The following IQCH variants were observed in gnomAD, a reference collection of about 807,000 sequenced individuals.
IQCH encodes the protein IQ domain-containing protein H.
Under a neutral mutation model 117.0 loss-of-function variants are expected in IQCH, and 98 were observed. That is an observed-to-expected ratio of 0.84 (90% confidence interval 0.71 to 0.99). IQCH has a LOEUF of 0.99. Ranked by LOEUF, IQCH falls within the 50% of genes least tolerant of loss-of-function variation. The pLI, the probability that IQCH is intolerant of heterozygous loss-of-function variation, is 0.00. For synonymous variants in IQCH, 412 were observed against 448.2 expected (o/e 0.92, Z 1.02); for missense variants, 1,102 against 1,243.8 (o/e 0.89, Z 1.72).
At chr15:67,305,386 A>C (rs888261103) in intron 4 of IQCH, among the ~76,000 whole-genome samples, 35 of 152,040 alleles carry the variant, frequency 2.3e-4, no homozygotes, top group African/African-American at 8.2e-4. Flanking sequence ...TATGTGCTTT[A>C]TGTTATTCTA....
intron 10 of IQCH, among the ~76,000 whole-genome samples, chr15:67,375,943 T>C (rs7497357): frequency 1 from 151,331 of 152,054 alleles, 75,314 homozygotes; most frequent in Middle Eastern, 1. Flanking sequence ...TGTACCACCA[T>C]GCCTGGCTAA....
rs540755379 is a variant in IQCH at position 67,289,008 on chromosome 15, C to T, written c.387+9496C>T. Among the ~76,000 whole-genome samples, 136 of 152,186 alleles carry T rather than the reference C, an allele frequency of 8.9e-4. 3 individuals carry two copies. The South Asian group carries it at 0.028, about 31-fold the overall frequency. The stretch of plus-strand genomic sequence containing the variant: ...TCACAGTGGAGGAAATATGCAAATA[C>T]ATGGCCATAAACAAGAGCATGGCTT... On this transcript the variant is annotated intron_variant, in intron 4 of 20. Transcript: ENST00000335894.
At position 67,369,214 on chromosome 15, in the gene IQCH, C is replaced by A. The variant is rs753410919; in HGVS notation, c.754-2897C>A. ...GAAACTCTCAAAGTTATCTAATTAG[C>A]GATTACACTTTGCAAACAAAGAACA... On this transcript the variant is annotated intron_variant, in intron 8 of 20. Coordinates refer to ENST00000335894, the MANE Select transcript of IQCH (RefSeq NM_001031715.3). This position sits in a 1 kb window ranked among gnomAD's most constrained non-coding sequence, Gnocchi z 5.2. 2.0e-5 allele frequency among the ~76,000 whole-genome samples: 3 copies of A among 152,116 alleles called. No homozygotes were observed. The highest frequency in any genetic ancestry group is 2.9e-5 in the Non-Finnish European group (2 of 68,030).
At chr15:67,298,926 A>C (rs981963633) in intron 4 of IQCH, among the ~76,000 whole-genome samples, 1 of 152,156 alleles carries the variant, frequency 6.6e-6, no homozygotes, top group African/African-American at 2.4e-5. Flanking sequence ...CCATTTCCGA[A>C]AGAAAGGAAA....
intron 1 of IQCH, among the ~76,000 whole-genome samples, chr15:67,260,722 T>C (rs1419801960): frequency 1.3e-5 from 2 of 152,140 alleles, no homozygotes; most frequent in Non-Finnish European, 2.9e-5. Flanking sequence ...CTATTTCTCA[T>C]GGGAGAAGGA....
chr15:67,332,732 A>G (rs930130777), intron 4 of IQCH, among the ~76,000 whole-genome samples: 2 of 152,174 alleles, frequency 1.3e-5, no homozygotes, highest in African/African-American at 2.4e-5. Context: ...AGAGAGTTCT[A>G]ATTTTCTCAC....
chr15:67,286,355 T>A (rs555238216), intron 4 of IQCH, among the ~76,000 whole-genome samples: 7 of 152,300 alleles, frequency 4.6e-5, no homozygotes, highest in Non-Finnish European at 7.4e-5. Context: ...TTTTTCCAAA[T>A]ATAAGATCAT....
chr15:67,480,741 T>C (rs1283463597), intron 18 of IQCH, among the ~76,000 whole-genome samples: 1 of 152,100 alleles, frequency 6.6e-6, no homozygotes, highest in Non-Finnish European at 1.5e-5. Flanking sequence ...AGTGAAATTA[T>C]GAAGTGGTGA....
intron 16 of IQCH, among the ~76,000 whole-genome samples, chr15:67,464,353 A>G (rs2082878736): frequency 6.6e-6 from 1 of 152,246 alleles, no homozygotes; most frequent in African/African-American, 2.4e-5. Context: ...AGCACATAGT[A>G]GATGCTCAGT....
rs754209160 is a variant in IQCH at position 67,337,054 on chromosome 15, A to C, written c.467A>C (p.Tyr156Ser). The change falls in exon 5 of 21, where the codon TAT becomes TCT. Residue 156 changes from tyrosine (Y) to serine (S), a missense_variant. Physicochemically the swap from Tyr to Ser is moderately radical, Grantham distance 144. This residue lies in a region of IQCH where 452 missense variants were observed against 449.6 expected (regional missense o/e 1.01). Transcript: ENST00000335894. ...VLPSSHCTDPYFTPIPVLQAD... is the reference protein window; with the variant it reads ...VLPSSHCTDPSFTPIPVLQAD... ...CCATCTTCTCATTGCACAGATCCCT[A>C]TTTCACTCCTATACCAGTCTTACAA... The C allele has an allele frequency of 3.1e-6, 5 of 1,613,652 alleles. No individual in the cohort carries two copies. The Admixed American group carries it at 8.3e-5, about 27-fold the overall frequency.
intron 4 of IQCH, among the ~76,000 whole-genome samples, chr15:67,328,407 G>T (rs1968509626): frequency 6.6e-6 from 1 of 152,092 alleles, no homozygotes; most frequent in South Asian, 2.1e-4. Flanking sequence ...AGAATTAAAT[G>T]AGTTTTGAAT....
chr15:67,287,906 CT>C (rs1442796566), intron 4 of IQCH, among the ~76,000 whole-genome samples: 2 of 151,906 alleles, frequency 1.3e-5, no homozygotes, highest in Non-Finnish European at 2.9e-5. Context: ...TTAGCATTGC[CT>C]TCACTATATC....
In IQCH at chr15:67,359,781, A is replaced by G. The variant is rs1251982661; in HGVS notation, c.715-66A>G. On this transcript the variant is annotated intron_variant, in intron 7 of 20. Coordinates refer to ENST00000335894, the MANE Select transcript of IQCH (RefSeq NM_001031715.3). The surrounding 1 kb of genome is among the most constrained non-coding windows in gnomAD (Gnocchi z 4.5). Reference sequence around the variant, plus strand: ...AAGGGGGTGAGGCTCTGAGCCTTCTATTTGTTTTGTAAAATTGCCCATGAG... The same window carrying G: ...AAGGGGGTGAGGCTCTGAGCCTTCTGTTTGTTTTGTAAAATTGCCCATGAG... The G allele has an allele frequency of 2.2e-6, 3 of 1,384,712 alleles. No homozygotes were observed. Among genetic ancestry groups the G allele is most frequent in the Admixed American group, 1.7e-5 (1 of 59,684 alleles). The allele number at this position is 1,384,712 out of a possible 1,614,324, so 85.8% of individuals were successfully genotyped here.
In IQCH at chr15:67,364,394, T is replaced by G. The variant is rs1013983525; in HGVS notation, c.753+4509T>G. On this transcript the variant is annotated intron_variant, in intron 8 of 20. Coordinates refer to ENST00000335894, the MANE Select transcript of IQCH (RefSeq NM_001031715.3). This position sits in a 1 kb window ranked among gnomAD's most constrained non-coding sequence, Gnocchi z 4.1. ...ATTAAACTTTCCAAATGAATTGAAATTATATAGTTTTATTTGCCAAACAAT... is the reference window on the plus strand; with the variant it reads ...ATTAAACTTTCCAAATGAATTGAAAGTATATAGTTTTATTTGCCAAACAAT... 1.3e-5 allele frequency among the ~76,000 whole-genome samples: 2 copies of G among 152,188 alleles called. No homozygotes were observed. The highest frequency in any genetic ancestry group is 2.9e-5 in the Non-Finnish European group (2 of 68,030).
chr15:67,324,846 C>T (rs957942253), intron 4 of IQCH, among the ~76,000 whole-genome samples: 1 of 151,774 alleles, frequency 6.6e-6, no homozygotes. Flanking sequence ...GATTTTCTTG[C>T]CTTTGACTTC....
In IQCH at chr15:67,500,576, T is replaced by C; in HGVS notation, c.2971-57T>C. On this transcript the variant is annotated intron_variant, in intron 20 of 20. Coordinates refer to ENST00000335894, the MANE Select transcript of IQCH (RefSeq NM_001031715.3). This position sits in a 1 kb window ranked among gnomAD's most constrained non-coding sequence, Gnocchi z 4.4. The stretch of plus-strand genomic sequence containing the variant: ...GTGAACTCCCAAAAGGACCAGATGC[T>C]TGGGGGAGAGGGATTGTAAGAGGTC... 1 of 856,042 alleles carries C rather than the reference T, an allele frequency of 1.2e-6. No individual in the cohort carries two copies. Among genetic ancestry groups the C allele is most frequent in the Non-Finnish European group, 1.9e-6 (1 of 532,450 alleles). The allele number at this position is 856,042 out of a possible 1,614,324, so 53.0% of individuals were successfully genotyped here. A position where few individuals can be genotyped will look rare whatever the true frequency, so the allele number is the denominator to read the frequency against.
At chr15:67,482,713 C>T (rs1216082201) in intron 18 of IQCH, among the ~76,000 whole-genome samples, 5 of 151,984 alleles carry the variant, frequency 3.3e-5, no homozygotes, top group African/African-American at 7.3e-5. Flanking sequence ...TAAATATCGT[C>T]GAGTGGGGAG....
Position 67,387,975 on chromosome 15 carries a change from A to G in IQCH, c.1457-856A>G, listed in dbSNP as rs1302120511. On this transcript the variant is annotated intron_variant, in intron 11 of 20. Coordinates refer to ENST00000335894, the MANE Select transcript of IQCH (RefSeq NM_001031715.3). The surrounding 1 kb of genome is among the most constrained non-coding windows in gnomAD (Gnocchi z 4.8). ...GTCTGCATGCTTCATCGTGCCCACA[A>G]TGATTACTGTATTTCCCTCCACATT... Among the ~76,000 whole-genome samples, 1 of 152,188 alleles carries G rather than the reference A, an allele frequency of 6.6e-6. No individual in the cohort carries two copies. The highest frequency in any genetic ancestry group is 2.4e-5 in the African/African-American group (1 of 41,452).
intron 4 of IQCH, among the ~76,000 whole-genome samples, chr15:67,324,012 C>T (rs1326560129): frequency 3.7e-5 from 5 of 134,858 alleles, no homozygotes; most frequent in African/African-American, 5.6e-5. Context: ...GGCGTGATCT[C>T]GGCTCACTGC....
Sources: allele counts gnomAD v4.1 joint callset (sites outside exome capture counted in the v4.1 genomes callset), GRCh38; gene constraint gnomAD v4.1.1; regional missense constraint gnomAD v4.1.1; non-coding constraint Gnocchi (gnomAD v3.1); transcripts MANE v1.5; gene names NCBI Gene and HGNC (gene_info 2026-07-23, HGNC 2026-07-21).